Variants in TMEM217B observed in about 807,000 individuals in gnomAD.
The protein encoded by TMEM217B is transmembrane protein 217B, also known as putative transmembrane protein 217B.
At chr6:37,225,285 G>A in the TMEM217B span, among the ~76,000 whole-genome samples, 3 of 152,240 alleles carry the variant, frequency 2.0e-5, no homozygotes, top group Non-Finnish European at 4.4e-5. Flanking sequence ...GCAAGGGGCA[G>A]GGATAGGGGC....
chr6:37,253,391 AC>A, the TMEM217B span, among the ~76,000 whole-genome samples: 1 of 152,188 alleles, frequency 6.6e-6, no homozygotes, highest in African/African-American at 2.4e-5. Context: ...GGAATGAAAT[AC>A]CTAGTTTTCC....
At chr6:37,223,653 C>T in the TMEM217B span, among the ~76,000 whole-genome samples, 17 of 151,956 alleles carry the variant, frequency 1.1e-4, no homozygotes, top group South Asian at 2.1e-4. Flanking sequence ...GGATTACAAG[C>T]GTGTGCCACC....
At chr6:37,216,032 T>TGAGAGA in the TMEM217B span, among the ~76,000 whole-genome samples, 62 of 138,454 alleles carry the variant, frequency 4.5e-4, no homozygotes, top group Admixed American at 2.0e-3. Context: ...TGTGTGTGTG[T>TGAGAGA]GAGAAACAGA....
chr6:37,213,050 A>G, the TMEM217B span: 1 of 1,203,764 alleles, frequency 8.3e-7, no homozygotes. Context: ...GTAGCCTTAG[A>G]CAAATCCCCC....
the TMEM217B span, chr6:37,215,332 A>AAAG: frequency 1.9e-6 from 3 of 1,593,704 alleles, no homozygotes; most frequent in African/African-American, 2.7e-5. Flanking sequence ...AATTAAGAGA[A>AAAG]AAGAAAACTT....
At chr6:37,215,376 A>C in the TMEM217B span, 7 of 1,425,820 alleles carry the variant, frequency 4.9e-6, 1 homozygote, top group Middle Eastern at 7.5e-4. Context: ...GGAGTTCAAG[A>C]CCAGTCTAGC....
At chr6:37,249,480 C>A in the TMEM217B span, among the ~76,000 whole-genome samples, 1 of 152,202 alleles carries the variant, frequency 6.6e-6, no homozygotes, top group East Asian at 1.9e-4. Flanking sequence ...CCACCATGCC[C>A]AGATAATTTT....
At chr6:37,215,470 G>A in the TMEM217B span, among the ~76,000 whole-genome samples, 5 of 149,540 alleles carry the variant, frequency 3.3e-5, no homozygotes, top group East Asian at 1.9e-4. Context: ...GGAGGCTGAG[G>A]CAGCAGAATT....
the TMEM217B span, among the ~76,000 whole-genome samples, chr6:37,241,629 G>A: frequency 6.6e-6 from 1 of 152,144 alleles, no homozygotes; most frequent in Non-Finnish European, 1.5e-5. Context: ...TGGATTCTGG[G>A]TCATCCCTGG....
the TMEM217B span, among the ~76,000 whole-genome samples, chr6:37,223,146 A>G: frequency 1.3e-5 from 2 of 152,182 alleles, no homozygotes; most frequent in African/African-American, 4.8e-5. Context: ...GAAAGACATA[A>G]TAAGATGTTC....
At chr6:37,239,955 TA>T in the TMEM217B span, among the ~76,000 whole-genome samples, 1 of 151,970 alleles carries the variant, frequency 6.6e-6, no homozygotes, top group African/African-American at 2.4e-5. Context: ...AATAGTAGTT[TA>T]AACAACTAGA....
At chr6:37,213,137 A>C in the TMEM217B span, 4 of 643,534 alleles carry the variant, frequency 6.2e-6, no homozygotes, top group African/African-American at 5.5e-5. Context: ...GTTAAGGGAC[A>C]TGGGGTCTGG....
chr6:37,215,856 T>C, the TMEM217B span, among the ~76,000 whole-genome samples: 1 of 152,010 alleles, frequency 6.6e-6, no homozygotes, highest in Non-Finnish European at 1.5e-5. Context: ...GCAAAAGCCA[T>C]TTTGGAAACA....
chr6:37,218,185 T>TTG, the TMEM217B span: 861 of 1,121,352 alleles, frequency 7.7e-4, 1 homozygote, highest in East Asian at 2.0e-3. Context: ...TTTTTTTTTT[T>TTG]GGGGGACAGA....
the TMEM217B span, among the ~76,000 whole-genome samples, chr6:37,221,897 C>T: frequency 6.6e-6 from 1 of 152,212 alleles, no homozygotes; most frequent in Non-Finnish European, 1.5e-5. Context: ...GGAGAAGGCC[C>T]TGGAGAGGGT....
At chr6:37,215,358 C>T in the TMEM217B span, 111 of 1,510,566 alleles carry the variant, frequency 7.3e-5, no homozygotes, top group Middle Eastern at 2.2e-4. Flanking sequence ...AGGCGGATCA[C>T]GAGGTCAGGA....
At chr6:37,215,418 T>C in the TMEM217B span, 1 of 1,124,658 alleles carries the variant, frequency 8.9e-7, no homozygotes, top group Non-Finnish European at 1.2e-6. Context: ...CTACTAAAGA[T>C]ACAAAAATTA....
At chr6:37,244,409 T>C in the TMEM217B span, among the ~76,000 whole-genome samples, 1 of 152,230 alleles carries the variant, frequency 6.6e-6, no homozygotes, top group African/African-American at 2.4e-5. Context: ...TTCTATTGTG[T>C]CTAAAGCACT....
chr6:37,218,798 A>T, the TMEM217B span: 1 of 1,614,206 alleles, frequency 6.2e-7, no homozygotes, highest in Non-Finnish European at 8.5e-7. Context: ...GAAGCAGCTG[A>T]TGAGGATGGT....
Sources: gnomAD v4.1 joint callset for allele counts (sites outside exome capture counted in the v4.1 genomes callset) on GRCh38, gnomAD v4.1.1 for gene constraint, MANE v1.5 for transcripts, NCBI Gene and HGNC (gene_info 2026-07-23, HGNC 2026-07-21) for gene names.